Variants in CYLC2 observed in about 807,000 individuals in gnomAD.
CYLC2 encodes cylicin-2.
A neutral mutation model predicts 26.1 loss-of-function variants in CYLC2; 30 were observed. The ratio of observed to expected loss-of-function variants is 1.15; its 90% CI spans 0.86 to 1.56. The LOEUF (loss-of-function observed/expected upper bound fraction) is 1.56, where lower values mean the gene tolerates loss of function less well. CYLC2 is among the 40% of genes most tolerant of loss of function. CYLC2 has a pLI of 0.00. For synonymous variants in CYLC2, 158 were observed against 132.8 expected, an observed-to-expected ratio of 1.19 and a Z score of -1.31; for missense variants, 498 against 394.4, an observed-to-expected ratio of 1.26 and a Z score of -2.23.
intron 2 of CYLC2, 112 bp downstream of exon 2, chr9:103,001,730 T>A: frequency 1.5e-6 from 1 of 674,414 alleles, no homozygotes; most frequent in East Asian, 2.8e-5. Flanking sequence ...AAATTGATAA[T>A]TAACTATTTC....
At position 103,006,073 on chromosome 9, in the gene CYLC2, G is replaced by C. The variant is rs190646436; in HGVS notation, c.*395G>C. On this transcript the variant is annotated 3_prime_UTR_variant, in exon 5 of 8. Coordinates refer to ENST00000374798, the MANE Select transcript of CYLC2 (RefSeq NM_001340.5). ...ACACACACACACACACACACACACA[G>C]TTTAATGAAGGCTTAAAGAATCCAA... 0.056 allele frequency: 4,955 copies of C among 88,168 alleles called. 128 individuals are homozygous for C. The highest frequency in any genetic ancestry group is 0.098 in the Admixed American group (818 of 8,382). 5.5% of individuals were successfully genotyped at this position (88,168 alleles called of 1,614,324 possible). A position where few individuals can be genotyped will look rare whatever the true frequency, so the allele number is the denominator to read the frequency against.
rs1829344654 is a variant in CYLC2 at position 103,006,016 on chromosome 9, G to GGA, written c.*339_*340dup. On this transcript the variant is annotated 3_prime_UTR_variant, in exon 5 of 8. Coordinates refer to ENST00000374798, the MANE Select transcript of CYLC2 (RefSeq NM_001340.5). ...TTGAAGATAATGACACTAAATCTAT[G>GGA]GACACACACACACACACACACACAC... 1 of 75,118 alleles carries GGA rather than the reference G, an allele frequency of 1.3e-5. No homozygotes were observed. The highest frequency in any genetic ancestry group is 5.8e-5 in the African/African-American group (1 of 17,370). The allele number at this position is 75,118 out of a possible 1,614,324, so 4.7% of individuals were successfully genotyped here.
At chr9:103,014,199 G>T (rs1302960492) in intron 6 of CYLC2, among the ~76,000 whole-genome samples, 2 of 115,870 alleles carry the variant, frequency 1.7e-5, no homozygotes, top group African/African-American at 3.6e-5. Context: ...TATATAATAT[G>T]AATATTATAT....
intron 1 of CYLC2, among the ~76,000 whole-genome samples, chr9:102,996,634 T>A (rs946907310): frequency 6.6e-6 from 1 of 151,986 alleles, no homozygotes; most frequent in African/African-American, 2.4e-5. Context: ...ACGCAAAATT[T>A]AAGATGCAGA....
chr9:102,999,312 G>A lies in CYLC2; in HGVS notation c.18-2266G>A, dbSNP rs530424549. On this transcript the variant is annotated intron_variant, in intron 1 of 7. Transcript: ENST00000374798. ...TATTTATCATATAATCATTAAACTA[G>A]TATAATTCATTAAACTCTGTATCAT... is the stretch of plus-strand genomic sequence containing the variant. 6.9e-4 allele frequency among the ~76,000 whole-genome samples: 105 copies of A among 151,802 alleles called. 1 individual carries two copies. Among genetic ancestry groups the A allele is most frequent in the Non-Finnish European group, 7.4e-4 (50 of 67,764 alleles).
At chr9:103,006,821 G>A (rs1020530312) in intron 5 of CYLC2, among the ~76,000 whole-genome samples, 1 of 152,044 alleles carries the variant, frequency 6.6e-6, no homozygotes, top group African/African-American at 2.4e-5. Flanking sequence ...TAGATAGGAG[G>A]AATAAGTTCA....
At chr9:103,015,662 T>C (rs1423678542) in intron 6 of CYLC2, among the ~76,000 whole-genome samples, 1 of 148,556 alleles carries the variant, frequency 6.7e-6, no homozygotes, top group Non-Finnish European at 1.5e-5. Flanking sequence ...ACCAGCGCTC[T>C]ACCTTTCAGA....
intron 6 of CYLC2, among the ~76,000 whole-genome samples, chr9:103,013,262 TTA>T (rs533215794): frequency 1.7e-4 from 19 of 109,590 alleles, no homozygotes; most frequent in South Asian, 2.6e-4. Context: ...ATTTAATGTG[TTA>T]TATATATTAT....
At chr9:103,000,452 C>G (rs1829277620) in intron 1 of CYLC2, among the ~76,000 whole-genome samples, 1 of 151,930 alleles carries the variant, frequency 6.6e-6, no homozygotes, top group South Asian at 2.1e-4. Flanking sequence ...TGTTGGGTAT[C>G]AACATTTCTT....
rs1303923135 is a variant in CYLC2 at position 103,013,963 on chromosome 9, T to G, written c.*816+1866T>G. Among the ~76,000 whole-genome samples, 12 of 114,936 alleles carry G rather than the reference T, an allele frequency of 1.0e-4. No individual in the cohort carries two copies. The East Asian group carries it at 2.0e-3, about 19-fold the overall frequency. The allele number at this position is 114,936 out of a possible 152,430, so 75.4% of individuals were successfully genotyped here. A position where few individuals can be genotyped will look rare whatever the true frequency, so the allele number is the denominator to read the frequency against. The stretch of plus-strand genomic sequence containing the variant: ...TTAATATAATACTATATATTATATA[T>G]TATTATATTATATATTATTTAATAT... On this transcript the variant is annotated intron_variant, in intron 6 of 7. Transcript: ENST00000374798.
chr9:102,997,372 T>A (rs7861311), intron 1 of CYLC2, among the ~76,000 whole-genome samples: 1 of 151,356 alleles, frequency 6.6e-6, no homozygotes, highest in African/African-American at 2.4e-5. Context: ...ATTCTCTGGG[T>A]GAGGAGTTCG....
intron 5 of CYLC2, among the ~76,000 whole-genome samples, chr9:103,008,641 T>C (rs1332487591): frequency 6.6e-6 from 1 of 152,102 alleles, no homozygotes; most frequent in African/African-American, 2.4e-5. Flanking sequence ...TAATCCAAAA[T>C]CAGTGAGTCA....
Position 103,001,571 on chromosome 9 carries a change from T to G in CYLC2, c.18-7T>G. On this transcript the variant is annotated splice_polypyrimidine_tract_variant and splice_region_variant and intron_variant, in intron 1 of 7. Transcript: ENST00000374798. The stretch of plus-strand genomic sequence containing the variant: ...TTAACTAAAACCTTTCTTTTTTGTT[T>G]TAATAGCCAAAGAGTAAACTTTGGG... 6.6e-7 allele frequency: 1 copy of G among 1,518,924 alleles called. No homozygotes were observed. Among genetic ancestry groups the G allele is most frequent in the Non-Finnish European group, 9.1e-7 (1 of 1,103,462 alleles). The allele number at this position is 1,518,924 out of a possible 1,614,324, so 94.1% of individuals were successfully genotyped here.
At chr9:103,015,122 TC>T (rs1381804452) in intron 6 of CYLC2, among the ~76,000 whole-genome samples, 4 of 47,194 alleles carry the variant, frequency 8.5e-5, no homozygotes, top group African/African-American at 2.6e-4. Context: ...AACATGTATA[TC>T]ACGTGATATA....
intron 6 of CYLC2, among the ~76,000 whole-genome samples, chr9:103,013,639 T>G (rs1423997234): frequency 2.7e-5 from 3 of 112,548 alleles, no homozygotes; most frequent in Non-Finnish European, 4.9e-5. Context: ...TAGATATATA[T>G]TTATATAAAA....
At chr9:103,004,456 G>A (rs114208568) in intron 3 of CYLC2, among the ~76,000 whole-genome samples, 1,937 of 152,086 alleles carry the variant, frequency 0.013, 44 homozygotes, top group African/African-American at 0.045. Flanking sequence ...AAAATCCCGA[G>A]GGAGCTATGA....
chr9:103,005,720 A>G lies in CYLC2; in HGVS notation c.*42A>G, dbSNP rs201540530. 6 of 1,556,286 alleles carry G rather than the reference A, an allele frequency of 3.9e-6. No individual in the cohort carries two copies. The highest frequency in any genetic ancestry group is 1.4e-5 in the African/African-American group (1 of 72,520). On this transcript the variant is annotated 3_prime_UTR_variant, in exon 5 of 8. Transcript: ENST00000374798. ...TGAACCGAAAGAATAATTCAAAAGC[A>G]TATTTGATGAAACAATAGTGGTAGT...
intron 6 of CYLC2, among the ~76,000 whole-genome samples, chr9:103,014,994 T>G (rs1170030635): frequency 7.5e-6 from 1 of 132,782 alleles, no homozygotes; most frequent in Non-Finnish European, 1.6e-5. Context: ...ATACATGTAA[T>G]ATACATATTA....
chr9:103,003,368 G>A, intron 3 of CYLC2, 105 bp downstream of exon 3: 1 of 1,020,842 alleles, frequency 9.8e-7, no homozygotes, highest in Non-Finnish European at 1.4e-6. Context: ...TCACTAAGTA[G>A]TAAGCTTGTG....
Sources: allele counts gnomAD v4.1 joint callset (sites outside exome capture counted in the v4.1 genomes callset), GRCh38; gene constraint gnomAD v4.1.1; transcripts MANE v1.5; gene names NCBI Gene and HGNC (gene_info 2026-07-23, HGNC 2026-07-21).